SYNE1: variants seen among roughly 807,000 people sequenced by gnomAD.
The protein encoded by SYNE1 is nesprin-1.
Under a neutral mutation model 1,111.0 loss-of-function variants are expected in SYNE1, and 616 were observed. That is an observed-to-expected ratio of 0.55 (90% CI 0.52 to 0.59). SYNE1 has a LOEUF of 0.59. Ranked by LOEUF, SYNE1 falls within the 20% of genes least tolerant of loss-of-function variation. The pLI is 0.00. For missense variants in SYNE1, 10,006 were observed against 10,417.0 expected (o/e 0.96, Z 1.72); for synonymous variants, 3,855 against 3,825.8 (o/e 1.01, Z -0.28).
chr6:152,400,655 C>T (rs2097798842), intron 47 of SYNE1, among the ~76,000 whole-genome samples: 1 of 151,838 alleles, frequency 6.6e-6, no homozygotes, highest in Non-Finnish European at 1.5e-5. Flanking sequence ...GAGTGAGATT[C>T]CATCTCAAAA....
intron 108 of SYNE1, among the ~76,000 whole-genome samples, chr6:152,237,645 G>T (rs1012050361): frequency 2.0e-5 from 3 of 152,100 alleles, no homozygotes; most frequent in African/African-American, 7.2e-5. Flanking sequence ...CTTTACCACA[G>T]TAAGGATTTA....
intron 3 of SYNE1, among the ~76,000 whole-genome samples, chr6:152,604,984 GAAAGAAAGAAAGAAAGAA>G (rs1459212851): frequency 3.2e-4 from 7 of 22,216 alleles, no homozygotes; most frequent in East Asian, 1.1e-3. Context: ...AAGAAAGAAA[GAAAGAAAGAAAGAAAGAA>G]AGAAAGAGAG....
chr6:152,211,741 CAT>C (rs2077559393), intron 123 of SYNE1, among the ~76,000 whole-genome samples, 153 bp from the exon 124 acceptor site: 1 of 152,106 alleles, frequency 6.6e-6, no homozygotes, highest in South Asian at 2.1e-4. Context: ...GTTTAGGAAT[CAT>C]TTATTTTTAA....
chr6:152,145,578 G>A (rs369057807), intron 137 of SYNE1: 86 of 1,607,338 alleles, frequency 5.4e-5, no homozygotes, highest in Non-Finnish European at 7.2e-5. Context: ...CACAGTCTAA[G>A]TTGACAGCTA....
At chr6:152,602,024 G>C (rs193015841) in intron 3 of SYNE1, among the ~76,000 whole-genome samples, 2 of 152,146 alleles carry the variant, frequency 1.3e-5, no homozygotes, top group East Asian at 3.9e-4. Flanking sequence ...GCCAAAGTCA[G>C]GAGCTTGGAG....
At position 152,326,118 on chromosome 6, in the gene SYNE1, C is replaced by A; in HGVS notation, c.15294-16G>T. ...AGCTGTGCATCTTGAAAGAGTCCAA[C>A]AGAAACTGATAAGTAGCACGAAATC... On this transcript the variant is annotated splice_polypyrimidine_tract_variant and intron_variant, in intron 79 of 145. Coordinates refer to ENST00000367255, the MANE Select transcript of SYNE1 (RefSeq NM_182961.4). 3 of 1,614,106 alleles carry A rather than the reference C, an allele frequency of 1.9e-6. No individual in the cohort carries two copies. The highest frequency in any genetic ancestry group is 2.2e-5 in the East Asian group (1 of 44,888).
At chr6:152,178,645 A>G (rs957517997) in intron 129 of SYNE1, among the ~76,000 whole-genome samples, 3 of 152,202 alleles carry the variant, frequency 2.0e-5, no homozygotes, top group Non-Finnish European at 4.4e-5. Context: ...GAATAAATGC[A>G]GTAAATACTG....
chr6:152,446,662 A>G (rs971778197), intron 29 of SYNE1, among the ~76,000 whole-genome samples: 1 of 152,188 alleles, frequency 6.6e-6, no homozygotes, highest in African/African-American at 2.4e-5. Flanking sequence ...TTCAAGAAAT[A>G]CTGGTAAATA....
Position 152,425,532 on chromosome 6 carries a change from C to A in SYNE1, c.5116G>T (p.Val1706Phe). 8 of 1,614,150 alleles carry A rather than the reference C, an allele frequency of 5.0e-6. No individual in the cohort carries two copies. Among genetic ancestry groups the A allele is most frequent in the Non-Finnish European group, 6.8e-6 (8 of 1,180,018 alleles). ...CTATAGAATGAGGCCTGGGATACAA[C>A]TTCATTTTGCAGTGCCTGAAAAATA... ...LQLIQALQNE[V>F]VSQASFYSKL... The change falls in exon 39 of 146, where the codon GTT becomes TTT. Residue 1706 changes from valine (V) to phenylalanine (F), a missense_variant. By Grantham distance (50) the Val-to-Phe change is conservative. Coordinates refer to ENST00000367255, the MANE Select transcript of SYNE1 (RefSeq NM_182961.4).
chr6:152,330,275 CTT>C lies in SYNE1; in HGVS notation c.14408_14409del (p.Lys4803SerfsTer3). ...TCTGCAGGCAGCGTTTCCTCATTCACTTTGGACTGCTCCTCTTTTACAGACTT... is the reference window on the plus strand; with the variant it reads ...TCTGCAGGCAGCGTTTCCTCATTCACTGGACTGCTCCTCTTTTACAGACTT... ...QLKSVKEEQS[K>X]VNEETLPAEE... On this transcript the variant is annotated frameshift_variant, in exon 78 of 146. Transcript: ENST00000367255. LOFTEE classifies it high-confidence loss of function. 6.2e-7 allele frequency: 1 copy of C among 1,614,160 alleles called. No homozygotes were observed. Among genetic ancestry groups the C allele is most frequent in the Non-Finnish European group, 8.5e-7 (1 of 1,180,032 alleles).
At chr6:152,165,194 C>T (rs769418790) in intron 130 of SYNE1, among the ~76,000 whole-genome samples, 4 of 152,088 alleles carry the variant, frequency 2.6e-5, no homozygotes, top group Non-Finnish European at 5.9e-5. Flanking sequence ...GCCACCACCG[C>T]CAGGTGGTTC....
Position 152,396,939 on chromosome 6 carries a change from A to C in SYNE1, c.7392T>G (p.Asp2464Glu). The change falls in exon 50 of 146, where the codon GAT becomes GAG. Residue 2464 changes from aspartate to glutamate, a missense_variant. Asp to Glu is a conservative substitution (Grantham distance 45). Coordinates refer to ENST00000367255, the MANE Select transcript of SYNE1 (RefSeq NM_182961.4). The part of the protein sequence containing the change: ...DSVSDGQSKL[D>E]AVTQEGQTLY... ...AAGTTTGTCCTTCTTGAGTCACTGC[A>C]TCAAGTTTGCTCTGCCCATCACTGA... The C allele has an allele frequency of 6.2e-7, 1 of 1,614,234 alleles. No homozygotes were observed. Among genetic ancestry groups the C allele is most frequent in the Non-Finnish European group, 8.5e-7 (1 of 1,180,036 alleles).
At chr6:152,283,807 T>G (rs2094166731) in intron 96 of SYNE1, among the ~76,000 whole-genome samples, 171 bp downstream of exon 96, 1 of 152,214 alleles carries the variant, frequency 6.6e-6, no homozygotes, top group East Asian at 1.9e-4. Flanking sequence ...AGTGCTGGGA[T>G]TACAGGTGTG....
chr6:152,393,060 G>C (rs764501714), intron 51 of SYNE1, among the ~76,000 whole-genome samples: 1 of 152,190 alleles, frequency 6.6e-6, no homozygotes, highest in Admixed American at 6.5e-5. Flanking sequence ...CCAGGATGGA[G>C]AGAAAGCACC....
At chr6:152,582,191 C>T (rs1331860548) in intron 3 of SYNE1, among the ~76,000 whole-genome samples, 1 of 152,130 alleles carries the variant, frequency 6.6e-6, no homozygotes, top group Non-Finnish European at 1.5e-5. Context: ...TAGCCTGACA[C>T]TCTGAATACC....
intron 96 of SYNE1, among the ~76,000 whole-genome samples, chr6:152,282,310 G>A (rs2094082313): frequency 6.6e-6 from 1 of 152,164 alleles, no homozygotes; most frequent in African/African-American, 2.4e-5. Flanking sequence ...ATGGCATAAA[G>A]CGGTTGGTAA....
chr6:152,472,562 G>C (rs747524902), intron 14 of SYNE1, 149 bp from the exon 15 acceptor site: 3 of 747,478 alleles, frequency 4.0e-6, no homozygotes, highest in Non-Finnish European at 4.7e-6. Context: ...GCCTGTCAAA[G>C]GCTCTTACCT....
At chr6:152,495,836 G>C (rs1164858091) in intron 11 of SYNE1, among the ~76,000 whole-genome samples, 4 of 152,350 alleles carry the variant, frequency 2.6e-5, no homozygotes, top group Admixed American at 6.5e-5. Context: ...CCTTGTCCAA[G>C]TGTGTGCTCA....
chr6:152,180,428 T>C lies in SYNE1; in HGVS notation c.23302-134A>G. 3 of 865,336 alleles carry C rather than the reference T, an allele frequency of 3.5e-6. No homozygotes were observed. In the South Asian group the frequency reaches 5.0e-5, roughly 14 times the overall value. 53.6% of individuals were successfully genotyped at this position (865,336 alleles called of 1,614,324 possible). A position where few individuals can be genotyped will look rare whatever the true frequency, so the allele number is the denominator to read the frequency against. On this transcript the variant is annotated intron_variant, in intron 128 of 145. Transcript: ENST00000367255. ...CTTTTTAGCCCACTGTTTCCTGAAG[T>C]CTAGGATTTGCTATTATAAAGTGGG...
Sources: allele counts gnomAD v4.1 joint callset (sites outside exome capture counted in the v4.1 genomes callset), GRCh38; gene constraint gnomAD v4.1.1; transcripts MANE v1.5; gene names NCBI Gene and HGNC (gene_info 2026-07-23, HGNC 2026-07-21).